Variants in EEF1AKMT1 observed in about 807,000 individuals in gnomAD.
EEF1AKMT1 encodes N-6 adenine-specific DNA methyltransferase 2 (putative).
Under a neutral mutation model 21.0 loss-of-function variants are expected in EEF1AKMT1, and 18 were observed. The observed-to-expected ratio is 0.86, with a 90% CI of 0.59 to 1.27. The LOEUF is 1.27. Ranked by LOEUF, EEF1AKMT1 falls within the 50% of genes most tolerant of loss-of-function variation. The probability of loss-of-function intolerance (pLI) is 0.00; values close to 1 mark genes in which losing one functional copy is unlikely to be tolerated. For synonymous variants in EEF1AKMT1, 109 were observed against 94.8 expected (o/e 1.15, Z -0.87); for missense variants, 246 against 258.6 (o/e 0.95, Z 0.33).
At chr13:20,766,902 G>A (rs1173081073) in intron 1 of EEF1AKMT1, among the ~76,000 whole-genome samples, 1 of 152,086 alleles carries the variant, frequency 6.6e-6, no homozygotes, top group Non-Finnish European at 1.5e-5. Flanking sequence ...CCAAACCTTT[G>A]TGTTATTGTT....
intron 3 of EEF1AKMT1, among the ~76,000 whole-genome samples, chr13:20,732,907 C>G (rs1420738851): frequency 6.6e-6 from 1 of 152,146 alleles, no homozygotes; most frequent in Admixed American, 6.5e-5. Flanking sequence ...AAAATGTGCT[C>G]TCACTGCAGA....
intron 3 of EEF1AKMT1, among the ~76,000 whole-genome samples, chr13:20,736,352 GA>G (rs1187367532): frequency 6.6e-6 from 1 of 152,088 alleles, no homozygotes; most frequent in Non-Finnish European, 1.5e-5. Context: ...GGAAGGGTAG[GA>G]AAAAAGCATT....
chr13:20,735,187 C>T (rs759024525), intron 3 of EEF1AKMT1, among the ~76,000 whole-genome samples: 5 of 152,172 alleles, frequency 3.3e-5, no homozygotes, highest in Non-Finnish European at 7.3e-5. Flanking sequence ...TGGTGGCATA[C>T]CCGAGGGCTC....
intron 1 of EEF1AKMT1, chr13:20,769,415 T>A (rs375186947): frequency 1.3e-5 from 2 of 152,310 alleles, no homozygotes; most frequent in South Asian, 2.1e-4. Context: ...TAAAGTGACC[T>A]CCAGCAGATT....
At chr13:20,759,139 T>A (rs1218295033) in intron 1 of EEF1AKMT1, among the ~76,000 whole-genome samples, 1 of 152,132 alleles carries the variant, frequency 6.6e-6, no homozygotes, top group Non-Finnish European at 1.5e-5. Context: ...ACCTCAAAAG[T>A]AATTGCAACA....
At chr13:20,741,880 T>C (rs1042820238) in intron 2 of EEF1AKMT1, among the ~76,000 whole-genome samples, 8 of 152,224 alleles carry the variant, frequency 5.3e-5, no homozygotes, top group African/African-American at 1.9e-4. Flanking sequence ...ATTTTACCTC[T>C]TCAGACTTAA....
chr13:20,739,186 T>G (rs1043013586), intron 2 of EEF1AKMT1, among the ~76,000 whole-genome samples: 4 of 152,098 alleles, frequency 2.6e-5, no homozygotes, highest in Admixed American at 6.5e-5. Flanking sequence ...TTGCTCCCAG[T>G]GGGTTGGTAA....
intron 1 of EEF1AKMT1, among the ~76,000 whole-genome samples, chr13:20,758,558 T>C (rs905686259): frequency 6.6e-5 from 10 of 152,104 alleles, no homozygotes; most frequent in African/African-American, 2.2e-4. Flanking sequence ...ATATCCTCAG[T>C]ATGAAAAACA....
chr13:20,741,115 C>T (rs1397981104), intron 2 of EEF1AKMT1, among the ~76,000 whole-genome samples: 3 of 151,872 alleles, frequency 2.0e-5, no homozygotes, highest in East Asian at 1.9e-4. Context: ...GTGAGTACCT[C>T]GGATTCTATG....
intron 3 of EEF1AKMT1, among the ~76,000 whole-genome samples, chr13:20,735,182 G>C (rs528796987): frequency 6.6e-6 from 1 of 152,316 alleles, no homozygotes; most frequent in African/African-American, 2.4e-5. Context: ...TCACGTGGTG[G>C]CATACCCGAG....
chr13:20,756,090 G>A (rs2058970001), intron 2 of EEF1AKMT1, among the ~76,000 whole-genome samples: 1 of 151,930 alleles, frequency 6.6e-6, no homozygotes, highest in Non-Finnish European at 1.5e-5. Context: ...TTTCAAACAG[G>A]GTAAATAGGA....
chr13:20,773,525 T>C (rs886093817), intron 1 of EEF1AKMT1, among the ~76,000 whole-genome samples: 4 of 152,234 alleles, frequency 2.6e-5, no homozygotes, highest in South Asian at 4.1e-4. Flanking sequence ...AGCGAACTTC[T>C]GAGGGCAAAG....
At chr13:20,768,627 A>T (rs374785563) in intron 1 of EEF1AKMT1, among the ~76,000 whole-genome samples, 14 of 152,084 alleles carry the variant, frequency 9.2e-5, no homozygotes, top group African/African-American at 3.1e-4. Flanking sequence ...AGGGTATTTT[A>T]TGTGTGGCCC....
intron 2 of EEF1AKMT1, among the ~76,000 whole-genome samples, chr13:20,738,667 A>G (rs2058842887): frequency 6.6e-6 from 1 of 152,234 alleles, no homozygotes. Flanking sequence ...GGAACAGGGT[A>G]CTGATATATG....
At chr13:20,732,634 A>G (rs192757473) in intron 3 of EEF1AKMT1, among the ~76,000 whole-genome samples, 1 of 152,310 alleles carries the variant, frequency 6.6e-6, no homozygotes, top group Admixed American at 6.5e-5. Flanking sequence ...CGCCTGGCCT[A>G]TAGCTTATAA....
intron 3 of EEF1AKMT1, among the ~76,000 whole-genome samples, chr13:20,734,918 A>C (rs2058818046): frequency 1.3e-5 from 2 of 152,212 alleles, no homozygotes; most frequent in Non-Finnish European, 1.5e-5. Context: ...AAAATGGAAG[A>C]TTTCCCACTA....
In EEF1AKMT1 at chr13:20,748,715, G is replaced by GGTTTTTTTT. The variant is rs1555326495; in HGVS notation, c.144+8739_144+8740insAAAAAAAAC. Among the ~76,000 whole-genome samples, 107 of 105,822 alleles carry GGTTTTTTTT rather than the reference G, an allele frequency of 1.0e-3. 7 individuals carry two copies. The highest frequency in any genetic ancestry group is 3.4e-3 in the African/African-American group (92 of 27,164). 69.4% of individuals were successfully genotyped at this position (105,822 alleles called of 152,430 possible). ...TTCTTCACCCTCCTAATGTATAGTT[G>GGTTTTTTTT]TTTTTTTTTGGTTTTTTTTTTTTTT... On this transcript the variant is annotated intron_variant, in intron 2 of 4. Coordinates refer to ENST00000382758, the MANE Select transcript of EEF1AKMT1 (RefSeq NM_001318939.2).
intron 3 of EEF1AKMT1, among the ~76,000 whole-genome samples, chr13:20,735,946 C>T (rs1200897887): frequency 1.3e-5 from 2 of 151,582 alleles, no homozygotes; most frequent in Admixed American, 6.6e-5. Flanking sequence ...AGGAATTCTC[C>T]CAGAAAGTAG....
intron 1 of EEF1AKMT1, among the ~76,000 whole-genome samples, chr13:20,761,729 C>T (rs2059002386): frequency 6.6e-6 from 1 of 152,204 alleles, no homozygotes; most frequent in African/African-American, 2.4e-5. Context: ...AGTCAGGATT[C>T]TCTTTGCAGT....
Sources: allele counts gnomAD v4.1 joint callset (sites outside exome capture counted in the v4.1 genomes callset), GRCh38; gene constraint gnomAD v4.1.1; transcripts MANE v1.5; gene names NCBI Gene and HGNC (gene_info 2026-07-23, HGNC 2026-07-21).